The following APIP variants were observed in gnomAD, a reference collection of about 807,000 sequenced individuals.
APIP encodes methylthioribulose-1-phosphate dehydratase.
A neutral mutation model predicts 32.0 loss-of-function variants in APIP; 32 were observed. The ratio of observed to expected loss-of-function variants is 1.00; its 90% CI spans 0.76 to 1.34. The LOEUF (loss-of-function observed/expected upper bound fraction) is 1.34, where lower values mean the gene tolerates loss of function less well. Among genes scored for constraint, APIP ranks in the 40% most tolerant of loss-of-function variants. The pLI, the probability that APIP is intolerant of heterozygous loss-of-function variation, is 0.00. For missense variants in APIP, 247 were observed against 298.6 expected, an observed-to-expected ratio of 0.83 and a Z score of 1.27; for synonymous variants, 92 against 94.8, an observed-to-expected ratio of 0.97 and a Z score of 0.17.
At chr11:34,904,234 T>G (rs947678343) in intron 1 of APIP, among the ~76,000 whole-genome samples, 2 of 152,228 alleles carry the variant, frequency 1.3e-5, no homozygotes, top group African/African-American at 4.8e-5. Flanking sequence ...AATAACTTCC[T>G]GCTTTGGTCT....
chr11:34,883,359 T>G lies in APIP; in HGVS notation c.607A>C (p.Thr203Pro). 6.2e-7 allele frequency: 1 copy of G among 1,611,134 alleles called. No individual in the cohort carries two copies. The highest frequency in any genetic ancestry group is 8.5e-7 in the Non-Finnish European group (1 of 1,178,974). The change falls in exon 6 of 7, where the codon ACA (threonine) becomes CCA (proline). Residue 203 changes from threonine (T) to proline (P), a missense_variant. Coordinates refer to ENST00000395787, the MANE Select transcript of APIP (RefSeq NM_015957.4). The part of the protein sequence containing the change: ...RRHGVYVWGE[T>P]WEKAKTMCEC... ...CACATGGTTTTGGCCTTCTCCCATG[T>G]TTCCCCCCACACATATACTCCATGA...
rs1344562472 is a variant in APIP, at chr11:34,887,242, A to C, written c.461+1051T>G. ...TGTTCCTCTACCTTACTTTTTCCAA[A>C]CTCTTTTCAGAAAAACTGATTCTTC... On this transcript the variant is annotated intron_variant, in intron 5 of 6. Coordinates refer to ENST00000395787, the MANE Select transcript of APIP (RefSeq NM_015957.4). Among the ~76,000 whole-genome samples, 3 of 151,752 alleles carry C rather than the reference A, an allele frequency of 2.0e-5. No homozygotes were observed. In the East Asian group the frequency reaches 5.8e-4, roughly 29 times the overall value.
At chr11:34,894,341 T>A (rs1853231639) in intron 2 of APIP, among the ~76,000 whole-genome samples, 1 of 151,914 alleles carries the variant, frequency 6.6e-6, no homozygotes, top group Non-Finnish European at 1.5e-5. Context: ...TTATTAGGAT[T>A]TTTAATGATT....
chr11:34,888,392 G>A lies in APIP; in HGVS notation c.362C>T (p.Ala121Val). The change falls in exon 5 of 7, where the codon GCT becomes GTT. Residue 121 changes from alanine (A) to valine (V), a missense_variant. Ala to Val is a moderately conservative substitution (Grantham distance 64). Transcript: ENST00000395787. ...GAVIHTHSKA[A>V]VMATLLFPGR... ...TGGAAAGAGAAGTGTGGCCATCACA[G>A]CAGCTTTAGAGTGGGTATGAATCAC... is the stretch of plus-strand genomic sequence containing the variant. 1 of 1,611,236 alleles carries A rather than the reference G, an allele frequency of 6.2e-7. No homozygotes were observed. The highest frequency in any genetic ancestry group is 8.5e-7 in the Non-Finnish European group (1 of 1,178,752).
At chr11:34,908,656 C>G (rs1400130584) in intron 1 of APIP, among the ~76,000 whole-genome samples, 1 of 152,234 alleles carries the variant, frequency 6.6e-6, no homozygotes, top group Non-Finnish European at 1.5e-5. Context: ...GCATCAGTCT[C>G]CTTCTATTAA....
chr11:34,882,941 T>A, intron 6 of APIP, 125 bp from the exon 7 acceptor site: 1 of 660,310 alleles, frequency 1.5e-6, no homozygotes, highest in Non-Finnish European at 2.5e-6. Flanking sequence ...TTCTCTCAAT[T>A]CTAGGCCAAA....
Position 34,916,280 on chromosome 11 carries a change from G to A in APIP, c.5C>T (p.Ser2Phe), listed in dbSNP as rs771070943. The change falls in exon 1 of 7, where the codon TCT (serine) becomes TTT (phenylalanine). Residue 2 changes from serine (S) to phenylalanine (F), a missense_variant. By Grantham distance (155) the Ser-to-Phe change is radical (BLOSUM62 -2). Transcript: ENST00000395787. ...GTCTCCCTCCCGAGCATCACAGCCA[G>A]ACATGGCCCAGACCAGGGACCCGCG... is the stretch of plus-strand genomic sequence containing the variant. Reference protein sequence around the residue: MSGCDAREGDCC... With the variant: MFGCDAREGDCC... 1.2e-6 allele frequency: 2 copies of A among 1,612,438 alleles called. No homozygotes were observed. The highest frequency in any genetic ancestry group is 1.7e-5 in the Admixed American group (1 of 59,950).
At chr11:34,908,328 T>A (rs1853489209) in intron 1 of APIP, among the ~76,000 whole-genome samples, 2 of 152,240 alleles carry the variant, frequency 1.3e-5, no homozygotes, top group Non-Finnish European at 2.9e-5. Flanking sequence ...CTCTTTTTGT[T>A]TGTTTCAAAG....
chr11:34,885,571 G>GGGGCAATTGTC lies in APIP; in HGVS notation c.462-2078_462-2068dup, dbSNP rs1407767930. Among the ~76,000 whole-genome samples the GGGGCAATTGTC allele has an allele frequency of 6.6e-5, 10 of 152,240 alleles. No individual in the cohort carries two copies. The East Asian group carries it at 1.9e-3, about 29-fold the overall frequency. ...TGGTAAAAGAGATAACGAGAAATGGGGGGCAATTGTCGGGCAATTGTCAGT... is the reference window on the plus strand; with the variant it reads ...TGGTAAAAGAGATAACGAGAAATGGGGGGCAATTGTCGGGCAATTGTCGGGCAATTGTCAGT... On this transcript the variant is annotated intron_variant, in intron 5 of 6. Coordinates refer to ENST00000395787, the MANE Select transcript of APIP (RefSeq NM_015957.4).
chr11:34,908,451 T>C (rs980601596), intron 1 of APIP, among the ~76,000 whole-genome samples: 2 of 152,222 alleles, frequency 1.3e-5, no homozygotes, highest in African/African-American at 2.4e-5. Context: ...TGCACACTTG[T>C]TGCACTTGTC....
chr11:34,901,653 T>C (rs999448324), intron 1 of APIP, among the ~76,000 whole-genome samples: 21 of 152,202 alleles, frequency 1.4e-4, no homozygotes, highest in African/African-American at 5.1e-4. Context: ...TTACACATGC[T>C]TTTAAAATCA....
At chr11:34,884,943 C>G (rs753736562) in intron 5 of APIP, among the ~76,000 whole-genome samples, 3 of 151,804 alleles carry the variant, frequency 2.0e-5, no homozygotes, top group Non-Finnish European at 2.9e-5. Context: ...CTGATCCAGA[C>G]AAGTTAAATG....
intron 1 of APIP, among the ~76,000 whole-genome samples, chr11:34,913,700 G>A (rs538335743): frequency 1.3e-5 from 2 of 152,322 alleles, no homozygotes; most frequent in East Asian, 3.9e-4. Flanking sequence ...GGTTGCCGCT[G>A]CTGGCTCTGG....
intron 5 of APIP, among the ~76,000 whole-genome samples, chr11:34,884,678 C>A (rs12223047): frequency 2.0e-5 from 3 of 151,062 alleles, no homozygotes; most frequent in African/African-American, 7.3e-5. Context: ...AAGACAAGAT[C>A]GAGACACTAC....
chr11:34,909,839 G>A (rs1393559938), intron 1 of APIP, among the ~76,000 whole-genome samples: 1 of 152,156 alleles, frequency 6.6e-6, no homozygotes, highest in Non-Finnish European at 1.5e-5. Context: ...CTCTAGTGGA[G>A]GAACTGGGCT....
intron 5 of APIP, among the ~76,000 whole-genome samples, chr11:34,887,326 A>G (rs1040029964): frequency 9.2e-5 from 14 of 152,182 alleles, no homozygotes; most frequent in Non-Finnish European, 1.9e-4. Flanking sequence ...GATAGTACCC[A>G]TAAGGCCTCT....
At chr11:34,893,388 T>C (rs1439104726) in intron 2 of APIP, among the ~76,000 whole-genome samples, 1 of 152,192 alleles carries the variant, frequency 6.6e-6, no homozygotes, top group Non-Finnish European at 1.5e-5. Flanking sequence ...TAAAAAGCAG[T>C]TAACTAAAGA....
intron 1 of APIP, among the ~76,000 whole-genome samples, chr11:34,910,478 T>G (rs974633882): frequency 9.2e-5 from 14 of 152,028 alleles, no homozygotes; most frequent in African/African-American, 3.4e-4. Context: ...ACGGGTAACA[T>G]GAGGAGACAG....
intron 1 of APIP, among the ~76,000 whole-genome samples, 165 bp from the exon 2 acceptor site, chr11:34,895,275 T>C (rs1054123415): frequency 6.6e-6 from 1 of 152,186 alleles, no homozygotes; most frequent in Non-Finnish European, 1.5e-5. Context: ...GTTTTTAATG[T>C]TTAGAAAGTG....
Sources: allele counts gnomAD v4.1 joint callset (sites outside exome capture counted in the v4.1 genomes callset), GRCh38; gene constraint gnomAD v4.1.1; transcripts MANE v1.5; gene names NCBI Gene and HGNC (gene_info 2026-07-23, HGNC 2026-07-21).